NTRK2: variants seen among roughly 807,000 people sequenced by gnomAD.
The protein encoded by NTRK2 is BDNF/NT-3 growth factors receptor.
In NTRK2, 13 loss-of-function variants were observed where a neutral mutation model predicts 94.5. The observed-to-expected ratio is 0.14, with a 90% confidence interval of 0.09 to 0.22. The LOEUF is 0.22. Among genes scored for constraint, NTRK2 ranks in the 10% least tolerant of loss-of-function variants. The pLI, the probability that NTRK2 is intolerant of heterozygous loss-of-function variation, is 1.00. For missense variants in NTRK2, 639 were observed against 1,071.2 expected (o/e 0.60, Z 5.63); for synonymous variants, 372 against 407.4 (o/e 0.91, Z 1.05).
At chr9:84,882,697 A>AGT (rs71847053) in intron 14 of NTRK2, among the ~76,000 whole-genome samples, 14,969 of 149,686 alleles carry the variant, frequency 0.1, 779 homozygotes, top group Admixed American at 0.12. Flanking sequence ...CTTTTGTTCT[A>AGT]GTGTGTGTGT....
At chr9:84,911,547 T>G (rs1386103798) in intron 14 of NTRK2, among the ~76,000 whole-genome samples, 2 of 152,136 alleles carry the variant, frequency 1.3e-5, no homozygotes, top group Non-Finnish European at 2.9e-5. Flanking sequence ...CTTGTCAAAT[T>G]TATGTGTAAC....
chr9:84,740,065 C>A (rs1004981477), intron 9 of NTRK2, among the ~76,000 whole-genome samples: 16 of 152,300 alleles, frequency 1.1e-4, no homozygotes, highest in African/African-American at 3.6e-4. Context: ...ATCTTCTAAA[C>A]TAATGGATTA....
chr9:84,741,697 G>A (rs2063664890), intron 9 of NTRK2, among the ~76,000 whole-genome samples, 195 bp from the exon 10 acceptor site: 1 of 152,124 alleles, frequency 6.6e-6, no homozygotes. Context: ...GATGAAAGTG[G>A]GAGAACCGGG....
intron 2 of NTRK2, among the ~76,000 whole-genome samples, chr9:84,681,057 G>A (rs1416379945): frequency 6.6e-6 from 1 of 152,032 alleles, no homozygotes; most frequent in Non-Finnish European, 1.5e-5. Context: ...CTGTCCTATG[G>A]CTGCTTCACT....
At chr9:85,009,787 G>T (rs12379817) in intron 17 of NTRK2, among the ~76,000 whole-genome samples, 2 of 151,976 alleles carry the variant, frequency 1.3e-5, no homozygotes, top group African/African-American at 2.4e-5. Flanking sequence ...TGCCAGGTTG[G>T]CATTTAGAAC....
intron 17 of NTRK2, 72 bp from the exon 18 acceptor site, chr9:85,020,134 T>C (rs940324268): frequency 2.6e-6 from 4 of 1,515,404 alleles, no homozygotes; most frequent in Non-Finnish European, 3.7e-6. Flanking sequence ...GCAAACAGTG[T>C]CCCCCAGCAG....
chr9:84,750,852 C>T (rs912632484), intron 11 of NTRK2, among the ~76,000 whole-genome samples: 1 of 152,202 alleles, frequency 6.6e-6, no homozygotes, highest in Non-Finnish European at 1.5e-5. Context: ...TGTTAAGATG[C>T]ACTTAGAGGA....
intron 15 of NTRK2, among the ~76,000 whole-genome samples, chr9:84,938,459 TC>T (rs2078284777): frequency 6.6e-6 from 1 of 152,174 alleles, no homozygotes; most frequent in African/African-American, 2.4e-5. Context: ...CCTTGTTTGC[TC>T]CTCCATCTAG....
chr9:84,877,544 G>A (rs2076113471), intron 14 of NTRK2: 1 of 1,066,524 alleles, frequency 9.4e-7, no homozygotes, highest in Non-Finnish European at 1.1e-6. Flanking sequence ...CTCCTACCAG[G>A]GCACTTCCTG....
intron 12 of NTRK2, among the ~76,000 whole-genome samples, chr9:84,777,386 A>G (rs2067151413): frequency 6.6e-6 from 1 of 152,216 alleles, no homozygotes; most frequent in Non-Finnish European, 1.5e-5. Flanking sequence ...ATTTTCTAAT[A>G]CAGTAGTCTT....
chr9:84,683,300 C>CCA (rs910568259), intron 2 of NTRK2, among the ~76,000 whole-genome samples: 1 of 151,970 alleles, frequency 6.6e-6, no homozygotes, highest in Non-Finnish European at 1.5e-5. Flanking sequence ...GCTTTAAGCC[C>CCA]CACATGCATT....
intron 12 of NTRK2, among the ~76,000 whole-genome samples, chr9:84,835,605 C>T (rs1217106183): frequency 1.3e-5 from 2 of 151,996 alleles, no homozygotes; most frequent in Non-Finnish European, 2.9e-5. Flanking sequence ...GGCAGAAAAC[C>T]AAAGCTGCCC....
chr9:85,000,234 C>T (rs992246160), intron 17 of NTRK2, among the ~76,000 whole-genome samples: 12 of 152,168 alleles, frequency 7.9e-5, no homozygotes, highest in African/African-American at 2.9e-4. Context: ...AGTGAACCTG[C>T]ACTGACACAT....
chr9:84,809,882 GAAAAA>G (rs35481612), intron 12 of NTRK2, among the ~76,000 whole-genome samples: 2 of 118,778 alleles, frequency 1.7e-5, no homozygotes, highest in East Asian at 2.4e-4. Context: ...ACTCTGTCTG[GAAAAA>G]AAAAAAAAAA....
At chr9:84,789,810 C>A (rs1042577733) in intron 12 of NTRK2, among the ~76,000 whole-genome samples, 1 of 152,116 alleles carries the variant, frequency 6.6e-6, no homozygotes, top group African/African-American at 2.4e-5. Flanking sequence ...TTCTATCTTC[C>A]TACCCATAAG....
chr9:84,735,299 T>G (rs559472576), intron 9 of NTRK2, among the ~76,000 whole-genome samples: 6 of 152,296 alleles, frequency 3.9e-5, no homozygotes, highest in African/African-American at 1.4e-4. Context: ...TTCTCGAACT[T>G]TAATGCACAT....
At chr9:84,860,767 A>G (rs2075296796) in intron 12 of NTRK2, among the ~76,000 whole-genome samples, 1 of 152,136 alleles carries the variant, frequency 6.6e-6, no homozygotes, top group Admixed American at 6.6e-5. Context: ...TTTCTCATAG[A>G]CAGGCTGCTC....
At chr9:84,729,331 G>A (rs1653360736) in intron 9 of NTRK2, among the ~76,000 whole-genome samples, 1 of 152,176 alleles carries the variant, frequency 6.6e-6, no homozygotes, top group South Asian at 2.1e-4. Flanking sequence ...ATATTTGGAT[G>A]CAAAACCCAG....
intron 14 of NTRK2, among the ~76,000 whole-genome samples, chr9:84,925,352 G>A (rs538576263): frequency 3.3e-5 from 5 of 151,792 alleles, no homozygotes; most frequent in African/African-American, 4.8e-5. Context: ...TGCATCCTCC[G>A]CCCCCTCCCG....
Sources: gnomAD v4.1 joint callset for allele counts (sites outside exome capture counted in the v4.1 genomes callset) on GRCh38, gnomAD v4.1.1 for gene constraint, MANE v1.5 for transcripts, NCBI Gene and HGNC (gene_info 2026-07-23, HGNC 2026-07-21) for gene names.